G2E3: variants seen among roughly 807,000 people sequenced by gnomAD.
The protein encoded by G2E3 is G2/M-phase specific E3 ubiquitin protein ligase.
A neutral mutation model predicts 92.8 loss-of-function variants in G2E3; 35 were observed. The ratio of observed to expected loss-of-function variants is 0.38; its 90% CI spans 0.29 to 0.50. The LOEUF (loss-of-function observed/expected upper bound fraction) is 0.50, where lower values mean the gene tolerates loss of function less well. Ranked by LOEUF, G2E3 falls within the 20% of genes least tolerant of loss-of-function variation. The probability of loss-of-function intolerance (pLI) is 0.94; values close to 1 mark genes in which losing one functional copy is unlikely to be tolerated. For synonymous variants in G2E3, 242 were observed against 272.4 expected, an observed-to-expected ratio of 0.89 and a Z score of 1.10; for missense variants, 554 against 823.8, an observed-to-expected ratio of 0.67 and a Z score of 4.01.
intron 1 of G2E3, among the ~76,000 whole-genome samples, chr14:30,579,265 C>CT (rs1880294684): frequency 6.6e-6 from 1 of 152,174 alleles, no homozygotes; most frequent in South Asian, 2.1e-4. Flanking sequence ...ACCTACTTAA[C>CT]TCTAAAGCCC....
At chr14:30,572,340 G>C (rs1246713457) in intron 1 of G2E3, among the ~76,000 whole-genome samples, 1 of 152,092 alleles carries the variant, frequency 6.6e-6, no homozygotes, top group African/African-American at 2.4e-5. Context: ...AGAGACTAAG[G>C]TGAACGTTTG....
At chr14:30,601,468 A>G (rs1487886379) in intron 8 of G2E3, among the ~76,000 whole-genome samples, 2 of 152,182 alleles carry the variant, frequency 1.3e-5, no homozygotes, top group Non-Finnish European at 2.9e-5. Flanking sequence ...TCTAAGTAGA[A>G]AGGAAAATTT....
chr14:30,580,768 G>A (rs1286289310), intron 1 of G2E3: 1 of 216,276 alleles, frequency 4.6e-6, no homozygotes, highest in Non-Finnish European at 9.1e-6. Context: ...CTAGACTATC[G>A]TTTGTTGTGT....
chr14:30,603,479 G>C (rs1041901016), intron 10 of G2E3, among the ~76,000 whole-genome samples: 1 of 152,126 alleles, frequency 6.6e-6, no homozygotes, highest in Non-Finnish European at 1.5e-5. Context: ...AGTTTTTAGA[G>C]CCTTGCTTTA....
intron 1 of G2E3, among the ~76,000 whole-genome samples, chr14:30,580,204 T>G (rs544957306): frequency 3.3e-5 from 5 of 152,058 alleles, no homozygotes; most frequent in East Asian, 3.9e-4. Context: ...TTGTTTTTGT[T>G]TTTTTTTGTT....
intron 10 of G2E3, among the ~76,000 whole-genome samples, chr14:30,605,248 T>C (rs1434883126): frequency 6.6e-6 from 1 of 152,170 alleles, no homozygotes; most frequent in Non-Finnish European, 1.5e-5. Context: ...TTTGAGATAA[T>C]TATCTATCAA....
rs1277783147 is a variant in G2E3 at position 30,617,449 on chromosome 14, C to G, written c.*915C>G. ...ATCCTATGTTTGGTATTCTGTATGT[C>G]TGATCCATAATCATTTTAGATATTT... On this transcript the variant is annotated 3_prime_UTR_variant, in exon 15 of 15. Transcript: ENST00000206595. 2.0e-5 allele frequency: 3 copies of G among 151,810 alleles called. No homozygotes were observed. Among genetic ancestry groups the G allele is most frequent in the Non-Finnish European group, 4.4e-5 (3 of 67,924 alleles). 9.4% of individuals were successfully genotyped at this position (151,810 alleles called of 1,614,324 possible).
intron 13 of G2E3, among the ~76,000 whole-genome samples, chr14:30,614,284 G>A (rs1309901061): frequency 6.6e-6 from 1 of 152,156 alleles, no homozygotes; most frequent in Non-Finnish European, 1.5e-5. Flanking sequence ...AACAATACCT[G>A]AGACTTGGTA....
intron 1 of G2E3, among the ~76,000 whole-genome samples, chr14:30,568,395 T>A (rs1399731978): frequency 6.6e-6 from 1 of 152,152 alleles, no homozygotes; most frequent in Non-Finnish European, 1.5e-5. Flanking sequence ...GAGCGTGTAA[T>A]TCATTTACAT....
In G2E3 at chr14:30,594,277, T is replaced by C. The variant is rs997028843; in HGVS notation, c.528+638T>C. ...TATTAGTAACATCAAATATGTAATA[T>C]GTACATGTGAAAGTGCCAGCTGATG... On this transcript the variant is annotated intron_variant, in intron 6 of 14. Coordinates refer to ENST00000206595, the MANE Select transcript of G2E3 (RefSeq NM_017769.5). 2.6e-5 allele frequency among the ~76,000 whole-genome samples: 4 copies of C among 152,194 alleles called. No individual in the cohort carries two copies. In the South Asian group the frequency reaches 8.3e-4, roughly 32 times the overall value.
intron 10 of G2E3, among the ~76,000 whole-genome samples, chr14:30,603,313 G>A (rs1191342592): frequency 1.4e-5 from 2 of 146,486 alleles, no homozygotes; most frequent in Non-Finnish European, 3.0e-5. Flanking sequence ...TGACAGAGCC[G>A]AGACTCTGTC....
intron 1 of G2E3, among the ~76,000 whole-genome samples, chr14:30,576,743 T>TG (rs1880116764): frequency 6.6e-6 from 1 of 152,314 alleles, no homozygotes; most frequent in African/African-American, 2.4e-5. Flanking sequence ...CATCGAATAA[T>TG]GCAATGCATA....
rs1324361250 is a variant in G2E3 at position 30,619,549 on chromosome 14, A to C, written c.*3015A>C. On this transcript the variant is annotated 3_prime_UTR_variant, in exon 15 of 15. Transcript: ENST00000206595. ...CAAAGTTTCATGCTTCAAGTAATGCAATACAAAACATAACCCATTTAATGA... is the reference window on the plus strand; with the variant it reads ...CAAAGTTTCATGCTTCAAGTAATGCCATACAAAACATAACCCATTTAATGA... The C allele has an allele frequency of 6.6e-6, 1 of 152,198 alleles. No individual in the cohort carries two copies. The highest frequency in any genetic ancestry group is 1.5e-5 in the Non-Finnish European group (1 of 67,996). 9.4% of individuals were successfully genotyped at this position (152,198 alleles called of 1,614,324 possible).
intron 3 of G2E3, among the ~76,000 whole-genome samples, chr14:30,587,021 TCG>T (rs1880748061): frequency 6.6e-6 from 1 of 152,150 alleles, no homozygotes; most frequent in Non-Finnish European, 1.5e-5. Flanking sequence ...TATCATTATT[TCG>T]TGTTTGTTTG....
intron 8 of G2E3, among the ~76,000 whole-genome samples, chr14:30,599,495 G>A (rs1185075283): frequency 6.6e-6 from 1 of 152,150 alleles, no homozygotes; most frequent in Non-Finnish European, 1.5e-5. Context: ...CCAAAGTGCT[G>A]GGATTACAGG....
At chr14:30,570,935 T>C (rs1206911281) in intron 1 of G2E3, among the ~76,000 whole-genome samples, 1 of 152,186 alleles carries the variant, frequency 6.6e-6, no homozygotes, top group Non-Finnish European at 1.5e-5. Context: ...CTTGTCTTAT[T>C]CTCTTAACAG....
Position 30,618,007 on chromosome 14 carries a change from T to C in G2E3, c.*1473T>C, listed in dbSNP as rs1882393090. The C allele has an allele frequency of 6.6e-6, 1 of 152,110 alleles. No homozygotes were observed. The highest frequency in any genetic ancestry group is 2.4e-5 in the African/African-American group (1 of 41,454). 9.4% of individuals were successfully genotyped at this position (152,110 alleles called of 1,614,324 possible). Reference sequence around the variant, plus strand: ...AAAGCAGGTGTCAGCTGTTGTATTCTCACCCTTCTTAAGAAAAATCATTAC... The same window carrying C: ...AAAGCAGGTGTCAGCTGTTGTATTCCCACCCTTCTTAAGAAAAATCATTAC... On this transcript the variant is annotated 3_prime_UTR_variant, in exon 15 of 15. Coordinates refer to ENST00000206595, the MANE Select transcript of G2E3 (RefSeq NM_017769.5).
At chr14:30,562,433 CAA>C (rs771711338) in intron 1 of G2E3, among the ~76,000 whole-genome samples, 2 of 152,158 alleles carry the variant, frequency 1.3e-5, no homozygotes, top group Non-Finnish European at 2.9e-5. Flanking sequence ...GACCAGAAGA[CAA>C]GTGTGAGCCT....
intron 2 of G2E3, among the ~76,000 whole-genome samples, chr14:30,582,333 A>G (rs778238453): frequency 6.6e-6 from 1 of 152,230 alleles, no homozygotes; most frequent in Non-Finnish European, 1.5e-5. Context: ...TTTAAACATT[A>G]AAAGCAGGAA....
Sources: allele counts gnomAD v4.1 joint callset (sites outside exome capture counted in the v4.1 genomes callset), GRCh38; gene constraint gnomAD v4.1.1; transcripts MANE v1.5; gene names NCBI Gene and HGNC (gene_info 2026-07-23, HGNC 2026-07-21).